The following TBC1D32 variants were observed in gnomAD, a reference collection of about 807,000 sequenced individuals.
TBC1D32 encodes TBC1 domain family member 32, also known as protein broad-minded.
Under a neutral mutation model 170.3 loss-of-function variants are expected in TBC1D32, and 151 were observed. The observed-to-expected ratio is 0.89, with a 90% confidence interval of 0.78 to 1.01. TBC1D32 has a LOEUF of 1.01. TBC1D32 is among the 50% of genes least tolerant of loss of function. The pLI is 0.00. For synonymous variants in TBC1D32, 498 were observed against 488.0 expected, an observed-to-expected ratio of 1.02 and a Z score of -0.27; for missense variants, 1,464 against 1,457.1, an observed-to-expected ratio of 1.00 and a Z score of -0.08.
intron 22 of TBC1D32, among the ~76,000 whole-genome samples, chr6:121,196,157 G>A (rs948529075): frequency 6.6e-6 from 1 of 152,186 alleles, no homozygotes; most frequent in Non-Finnish European, 1.5e-5. Flanking sequence ...GACCCGTTCT[G>A]TGGACACCAT....
At chr6:121,329,215 AT>A (rs59115487) in intron 1 of TBC1D32, among the ~76,000 whole-genome samples, 3,766 of 151,798 alleles carry the variant, frequency 0.025, 56 homozygotes, top group African/African-American at 0.046. Context: ...AAAAAATGCA[AT>A]TTTTTTTTCT....
At chr6:121,162,040 C>G (rs1295181980) in intron 22 of TBC1D32, among the ~76,000 whole-genome samples, 2 of 152,026 alleles carry the variant, frequency 1.3e-5, no homozygotes, top group African/African-American at 4.8e-5. Context: ...GTTTGCTTTT[C>G]TCTTGTAAAT....
rs910099679 is a variant in TBC1D32 at position 121,131,750 on chromosome 6, T to C, written c.2776A>G (p.Asn926Asp). The change falls in exon 25 of 32, where the codon AAT (asparagine) becomes GAT (aspartate). Residue 926 changes from asparagine to aspartate, a missense_variant and splice_region_variant. By Grantham distance (23) the Asn-to-Asp change is conservative. Around this residue, in one of 3 missense-constraint regions of TBC1D32, gnomAD observed 1,363 missense variants for 1,338.1 expected, o/e 1.02. Coordinates refer to ENST00000398212, the MANE Select transcript of TBC1D32 (RefSeq NM_152730.6). Reference protein sequence around the residue: ...ITRNAGIKQDNDLDKLLLCLK... With the variant: ...ITRNAGIKQDDDLDKLLLCLK... ...CATAATAAAAGCTTGTCAAGATCATTGTCTAATCAGAAAGATAACATACTA... is the reference window on the plus strand; with the variant it reads ...CATAATAAAAGCTTGTCAAGATCATCGTCTAATCAGAAAGATAACATACTA... The C allele has an allele frequency of 6.9e-6, 11 of 1,584,804 alleles. No individual in the cohort carries two copies. Among genetic ancestry groups the C allele is most frequent in the Non-Finnish European group, 9.5e-6 (11 of 1,157,350 alleles).
chr6:121,143,172 T>G (rs1783011078), intron 24 of TBC1D32, among the ~76,000 whole-genome samples: 1 of 152,082 alleles, frequency 6.6e-6, no homozygotes, highest in Non-Finnish European at 1.5e-5. Context: ...AGAAATGATA[T>G]TCTAAGTAGA....
chr6:121,087,404 C>T (rs1776366708), intron 31 of TBC1D32, among the ~76,000 whole-genome samples: 1 of 152,120 alleles, frequency 6.6e-6, no homozygotes, highest in South Asian at 2.1e-4. Context: ...AGTCTATATC[C>T]TCAATTACCT....
At chr6:121,130,398 C>T (rs553589103) in intron 25 of TBC1D32, among the ~76,000 whole-genome samples, 1 of 152,218 alleles carries the variant, frequency 6.6e-6, no homozygotes, top group East Asian at 1.9e-4. Flanking sequence ...AGGAGAATCG[C>T]CTGAACCCAG....
At chr6:121,162,492 C>A (rs1785851701) in intron 22 of TBC1D32, among the ~76,000 whole-genome samples, 1 of 152,108 alleles carries the variant, frequency 6.6e-6, no homozygotes, top group South Asian at 2.1e-4. Flanking sequence ...AAAACTGGCA[C>A]AAGACAAGGA....
chr6:121,085,176 T>A (rs559926029), intron 31 of TBC1D32, among the ~76,000 whole-genome samples: 1 of 149,954 alleles, frequency 6.7e-6, no homozygotes, highest in South Asian at 2.1e-4. Flanking sequence ...CTAGAGATAA[T>A]CTTTTTGTGT....
At chr6:121,217,176 T>C (rs1793930993) in intron 21 of TBC1D32, among the ~76,000 whole-genome samples, 1 of 152,226 alleles carries the variant, frequency 6.6e-6, no homozygotes, top group South Asian at 2.1e-4. Flanking sequence ...GTACCAGATG[T>C]GGTTTCATTG....
chr6:121,107,330 T>C (rs941825385), intron 29 of TBC1D32, among the ~76,000 whole-genome samples: 1 of 151,958 alleles, frequency 6.6e-6, no homozygotes, highest in Non-Finnish European at 1.5e-5. Flanking sequence ...GTTTTTCGGT[T>C]TTATCATTCA....
chr6:121,225,572 C>T (rs1283905418), intron 20 of TBC1D32, among the ~76,000 whole-genome samples: 1 of 151,832 alleles, frequency 6.6e-6, no homozygotes, highest in Non-Finnish European at 1.5e-5. Flanking sequence ...ATTATGGAAC[C>T]TCTCTTCATG....
At chr6:121,328,411 G>A (rs1185089761) in intron 1 of TBC1D32, among the ~76,000 whole-genome samples, 2 of 151,630 alleles carry the variant, frequency 1.3e-5, no homozygotes, top group Admixed American at 6.6e-5. Context: ...TCAGCCTACC[G>A]AGTAGCGACG....
rs557200881 is a variant in TBC1D32, at chr6:121,232,464, T to C, written c.2364+6606A>G. Among the ~76,000 whole-genome samples the C allele has an allele frequency of 2.3e-3, 347 of 152,134 alleles. 1 individual carries two copies. Among genetic ancestry groups the C allele is most frequent in the African/African-American group, 7.8e-3 (325 of 41,538 alleles). ...TTTGTTCTAGTTGTGTGAAGTATTA[T>C]GGTGGTATTTTGATAGGAATTGCAT... On this transcript the variant is annotated intron_variant, in intron 20 of 31. Coordinates refer to ENST00000398212, the MANE Select transcript of TBC1D32 (RefSeq NM_152730.6).
chr6:121,202,278 T>C (rs1271666213), intron 22 of TBC1D32, among the ~76,000 whole-genome samples: 1 of 21,470 alleles, frequency 4.7e-5, no homozygotes. Context: ...GACTAGAGAA[T>C]GAAAAAAAAA....
At chr6:121,290,886 A>G (rs900666577) in intron 12 of TBC1D32, among the ~76,000 whole-genome samples, 6 of 152,186 alleles carry the variant, frequency 3.9e-5, no homozygotes, top group African/African-American at 1.4e-4. Context: ...CATTCTCTGC[A>G]AACTATCTCA....
At chr6:121,264,122 T>A (rs1397152765) in intron 15 of TBC1D32, among the ~76,000 whole-genome samples, 2 of 151,676 alleles carry the variant, frequency 1.3e-5, no homozygotes, top group Non-Finnish European at 2.9e-5. Context: ...TGAAAACCCT[T>A]CAGAAAAAAT....
At chr6:121,236,129 TG>T (rs1172941290) in intron 20 of TBC1D32, among the ~76,000 whole-genome samples, 14 of 116,804 alleles carry the variant, frequency 1.2e-4, no homozygotes, top group Middle Eastern at 4.5e-3. Context: ...TTTTTATTTT[TG>T]TTTTTTTTTT....
At chr6:121,148,131 C>T (rs2128231729) in intron 24 of TBC1D32, among the ~76,000 whole-genome samples, 1 of 151,968 alleles carries the variant, frequency 6.6e-6, no homozygotes, top group Non-Finnish European at 1.5e-5. Context: ...GCTATCCCAC[C>T]CCTTGCCTCC....
rs953715107 is a variant in TBC1D32, at chr6:121,308,286, A to G, written c.565-185T>C. Reference sequence around the variant, plus strand: ...TTTTTAAACTAAGTGCTAAGCAGAGAAAAAAAACAGTTGCTGTTTGTGTAA... The same window carrying G: ...TTTTTAAACTAAGTGCTAAGCAGAGGAAAAAAACAGTTGCTGTTTGTGTAA... On this transcript the variant is annotated intron_variant, in intron 4 of 31. Coordinates refer to ENST00000398212, the MANE Select transcript of TBC1D32 (RefSeq NM_152730.6). Among the ~76,000 whole-genome samples, 5 of 148,788 alleles carry G rather than the reference A, an allele frequency of 3.4e-5. 1 individual carries two copies. The highest frequency in any genetic ancestry group is 6.6e-5 in the Admixed American group (1 of 15,078).
Sources: gnomAD v4.1 joint callset for allele counts (sites outside exome capture counted in the v4.1 genomes callset) on GRCh38, gnomAD v4.1.1 for gene constraint, gnomAD v4.1.1 regional missense constraint, MANE v1.5 for transcripts, NCBI Gene and HGNC (gene_info 2026-07-23, HGNC 2026-07-21) for gene names.